SRXN1: variants seen among roughly 807,000 people sequenced by gnomAD.
The protein encoded by SRXN1 is sulfiredoxin 1.
In SRXN1, 11 loss-of-function variants were observed where a neutral mutation model predicts 11.0. That is an observed-to-expected ratio of 1.00 (90% confidence interval 0.63 to 1.65). SRXN1 has a LOEUF of 1.65. Ranked by LOEUF, SRXN1 falls within the 40% of genes most tolerant of loss-of-function variation. The pLI is 0.00. For missense variants in SRXN1, 211 were observed against 194.5 expected, an observed-to-expected ratio of 1.08 and a Z score of -0.50; for synonymous variants, 106 against 92.8, an observed-to-expected ratio of 1.14 and a Z score of -0.82.
In SRXN1 at chr20:650,826, C is replaced by T. The variant is rs1983653289; in HGVS notation, c.211-1909G>A. On this transcript the variant is annotated intron_variant, in intron 1 of 1. Transcript: ENST00000381962. ...CACTAAGGAGGGCAGCCGTGCCAGG[C>T]AGGCCTTGTGCCGGGTACTGGAGGC... is the stretch of plus-strand genomic sequence containing the variant. Among the ~76,000 whole-genome samples, 7 of 152,366 alleles carry T rather than the reference C, an allele frequency of 4.6e-5. No individual in the cohort carries two copies. The South Asian group carries it at 1.4e-3, about 32-fold the overall frequency.
In SRXN1 at chr20:648,792, G is replaced by A; in HGVS notation, c.336C>T (p.Thr112=). ...TGGACTGGACAAGCTTGGCGGGGAT[G>A]GTCTCTCGCTGCAGTTGCTGGTAGG... is the stretch of plus-strand genomic sequence containing the variant. The part of the protein sequence containing the change: ...YAAYQQLQRE[T]IPAKLVQSTL... Residue 112 remains threonine, a synonymous_variant, in exon 2 of 2, where the codon ACC becomes ACT. Coordinates refer to ENST00000381962, the MANE Select transcript of SRXN1 (RefSeq NM_080725.3). 6.2e-7 allele frequency: 1 copy of A among 1,614,232 alleles called. No homozygotes were observed. The highest frequency in any genetic ancestry group is 8.5e-7 in the Non-Finnish European group (1 of 1,180,034).
At chr20:651,225 C>A (rs925070960) in intron 1 of SRXN1, among the ~76,000 whole-genome samples, 1 of 152,144 alleles carries the variant, frequency 6.6e-6, no homozygotes, top group Non-Finnish European at 1.5e-5. Flanking sequence ...TTGGTGTTAG[C>A]CCAGTAAGAC....
Position 647,609 on chromosome 20 carries a change from T to C in SRXN1, c.*1105A>G, listed in dbSNP as rs1983563088. 1.6e-5 allele frequency: 3 copies of C among 184,214 alleles called. No homozygotes were observed. The Admixed American group carries it at 1.6e-4, about 10-fold the overall frequency. The allele number at this position is 184,214 out of a possible 1,614,324, so 11.4% of individuals were successfully genotyped here. A position where few individuals can be genotyped will look rare whatever the true frequency, so the allele number is the denominator to read the frequency against. ...GGCCACATGGAGGAGAACCAAGCAA[T>C]TCCAGCCAACAGCCTGTCACCTGCC... On this transcript the variant is annotated 3_prime_UTR_variant, in exon 2 of 2. Coordinates refer to ENST00000381962, the MANE Select transcript of SRXN1 (RefSeq NM_080725.3).
intron 1 of SRXN1, among the ~76,000 whole-genome samples, chr20:652,378 C>G (rs1983695203): frequency 6.6e-6 from 1 of 152,140 alleles, no homozygotes; most frequent in East Asian, 1.9e-4. Flanking sequence ...CAGAATCACT[C>G]CGGTATTCTT....
intron 1 of SRXN1, among the ~76,000 whole-genome samples, chr20:651,450 G>A (rs896456105): frequency 2.0e-5 from 3 of 152,272 alleles, no homozygotes; most frequent in African/African-American, 2.4e-5. Flanking sequence ...TTGGGAGGCC[G>A]AGGTGGGCAG....
Position 647,884 on chromosome 20 carries a change from T to C in SRXN1, c.*830A>G. ...TTCTCTCTTGGTAATGGGATCCCAG[T>C]TTTATTGCAGGAGGCAGTGTGCCAG... On this transcript the variant is annotated 3_prime_UTR_variant, in exon 2 of 2. Transcript: ENST00000381962. 1 of 351,146 alleles carries C rather than the reference T, an allele frequency of 2.8e-6. No homozygotes were observed. Among genetic ancestry groups the C allele is most frequent in the South Asian group, 2.2e-5 (1 of 46,334 alleles). 21.8% of individuals were successfully genotyped at this position (351,146 alleles called of 1,614,324 possible).
intron 1 of SRXN1, 122 bp downstream of exon 1, chr20:652,854 G>A: frequency 7.7e-7 from 1 of 1,293,048 alleles, no homozygotes; most frequent in Non-Finnish European, 9.9e-7. Context: ...CACAGCAGAG[G>A]CTGAGCTCCG....
chr20:651,524 A>C (rs920950242), intron 1 of SRXN1, among the ~76,000 whole-genome samples: 2 of 152,072 alleles, frequency 1.3e-5, no homozygotes, highest in African/African-American at 4.8e-5. Flanking sequence ...TCTCTACTAA[A>C]AATACAAAAA....
At chr20:649,767 T>A (rs2122310682) in intron 1 of SRXN1, among the ~76,000 whole-genome samples, 1 of 152,082 alleles carries the variant, frequency 6.6e-6, no homozygotes, top group South Asian at 2.1e-4. Context: ...TGGGTTCAAA[T>A]CTAGCTCTGC....
rs552776722 is a variant in SRXN1 at position 652,782 on chromosome 20, T to C, written c.210+194A>G. ...CACTACTTTAATTATCTCGCCCAAT[T>C]CCCTCCTTGCTCAAGTGAGGAAACA... On this transcript the variant is annotated intron_variant, in intron 1 of 1. Transcript: ENST00000381962. Among the ~76,000 whole-genome samples, 284 of 152,198 alleles carry C rather than the reference T, an allele frequency of 1.9e-3. 1 individual carries two copies. Among genetic ancestry groups the C allele is most frequent in the Admixed American group, 7.2e-3 (110 of 15,300 alleles).
chr20:648,609 G>A lies in SRXN1; in HGVS notation c.*105C>T. The A allele has an allele frequency of 7.7e-7, 1 of 1,300,820 alleles. No homozygotes were observed. The allele number at this position is 1,300,820 out of a possible 1,614,324, so 80.6% of individuals were successfully genotyped here. On this transcript the variant is annotated 3_prime_UTR_variant, in exon 2 of 2. Coordinates refer to ENST00000381962, the MANE Select transcript of SRXN1 (RefSeq NM_080725.3). ...CCAGAGTCAGACCCTCTCGCCAGGTGCAAAGAGAATGCACCCCTGCTATCC... is the reference window on the plus strand; with the variant it reads ...CCAGAGTCAGACCCTCTCGCCAGGTACAAAGAGAATGCACCCCTGCTATCC...
chr20:648,611 A>C lies in SRXN1; in HGVS notation c.*103T>G, dbSNP rs1475764972. Reference sequence around the variant, plus strand: ...AGAGTCAGACCCTCTCGCCAGGTGCAAAGAGAATGCACCCCTGCTATCCCT... The same window carrying C: ...AGAGTCAGACCCTCTCGCCAGGTGCCAAGAGAATGCACCCCTGCTATCCCT... On this transcript the variant is annotated 3_prime_UTR_variant, in exon 2 of 2. Transcript: ENST00000381962. 2.4e-5 allele frequency: 32 copies of C among 1,336,992 alleles called. No homozygotes were observed. The highest frequency in any genetic ancestry group is 3.3e-5 in the Non-Finnish European group (31 of 945,924). 82.8% of individuals were successfully genotyped at this position (1,336,992 alleles called of 1,614,324 possible).
chr20:652,930 C>A (rs1307492908), intron 1 of SRXN1, 46 bp downstream of exon 1: 2 of 1,364,874 alleles, frequency 1.5e-6, no homozygotes, highest in African/African-American at 1.5e-5. Flanking sequence ...CAACCTCCCT[C>A]CTCCGAAGCC....
intron 1 of SRXN1, among the ~76,000 whole-genome samples, chr20:652,225 G>GA (rs1983690901): frequency 6.6e-6 from 1 of 152,142 alleles, no homozygotes; most frequent in Non-Finnish European, 1.5e-5. Flanking sequence ...TACTAGGACT[G>GA]AAAGTTATCG....
intron 1 of SRXN1, among the ~76,000 whole-genome samples, chr20:652,714 G>C (rs1364262709): frequency 6.6e-6 from 1 of 152,222 alleles, no homozygotes; most frequent in African/African-American, 2.4e-5. Context: ...ACTTCCTGCA[G>C]TTCCTGGACC....
chr20:650,212 G>C (rs974440240), intron 1 of SRXN1, among the ~76,000 whole-genome samples: 1 of 152,208 alleles, frequency 6.6e-6, no homozygotes, highest in Non-Finnish European at 1.5e-5. Flanking sequence ...GTTGTCACAG[G>C]AGAACAGACT....
In SRXN1 at chr20:648,899, G is replaced by T; in HGVS notation, c.229C>A (p.Pro77Thr). The T allele has an allele frequency of 1.2e-6, 2 of 1,614,150 alleles. No individual in the cohort carries two copies. The highest frequency in any genetic ancestry group is 1.6e-4 in the Middle Eastern group (1 of 6,062). Reference protein sequence around the residue: ...DTIREDPDSVPPIDVLWIKGA... With the variant: ...DTIREDPDSVTPIDVLWIKGA... ...TTGATCCAGAGGACATCGATGGGGG[G>T]CACGCTGTCTGGGTCCTCCTGGGGA... Residue 77 changes from proline to threonine, a missense_variant, in exon 2 of 2, where the codon CCC (proline) becomes ACC (threonine). By Grantham distance (38) the Pro-to-Thr change is conservative. Transcript: ENST00000381962.
rs1268520824 is a variant in SRXN1 at position 647,998 on chromosome 20, G to C, written c.*716C>G. The C allele has an allele frequency of 1.4e-5, 6 of 441,892 alleles. No homozygotes were observed. The highest frequency in any genetic ancestry group is 7.2e-5 in the Admixed American group (3 of 41,604). 27.4% of individuals were successfully genotyped at this position (441,892 alleles called of 1,614,324 possible). On this transcript the variant is annotated 3_prime_UTR_variant, in exon 2 of 2. Transcript: ENST00000381962. The stretch of plus-strand genomic sequence containing the variant: ...CTTTGTTTGCAGCTAGAGGTGCAAT[G>C]GTAGCTGGCTCGGGCCAAGGGCATC...
chr20:652,298 G>A (rs186287017), intron 1 of SRXN1, among the ~76,000 whole-genome samples: 66 of 152,228 alleles, frequency 4.3e-4, no homozygotes, highest in African/African-American at 1.5e-3. Context: ...TCCAAGGGTC[G>A]GGGGAAGGGG....
Sources: gnomAD v4.1 joint callset for allele counts (sites outside exome capture counted in the v4.1 genomes callset) on GRCh38, gnomAD v4.1.1 for gene constraint, MANE v1.5 for transcripts, NCBI Gene and HGNC (gene_info 2026-07-23, HGNC 2026-07-21) for gene names.